Variants in CACNA1D observed in about 807,000 individuals in gnomAD.
The protein encoded by CACNA1D is voltage-dependent L-type calcium channel subunit alpha-1D.
CACNA1D carries 55 observed loss-of-function variants against 257.1 expected under a neutral mutation model. The ratio of observed to expected loss-of-function variants is 0.21; its 90% confidence interval spans 0.17 to 0.27. The LOEUF (loss-of-function observed/expected upper bound fraction) is 0.27, where lower values mean the gene tolerates loss of function less well. Ranked by LOEUF, CACNA1D falls within the 10% of genes least tolerant of loss-of-function variation. The probability of loss-of-function intolerance (pLI) is 1.00; values close to 1 mark genes in which losing one functional copy is unlikely to be tolerated. For synonymous variants in CACNA1D, 980 were observed against 1,014.9 expected (o/e 0.97, Z 0.65); for missense variants, 1,876 against 2,784.0 (o/e 0.67, Z 7.34).
At chr3:53,645,428 G>A (rs2094008516) in intron 3 of CACNA1D, among the ~76,000 whole-genome samples, 1 of 152,080 alleles carries the variant, frequency 6.6e-6, no homozygotes, top group African/African-American at 2.4e-5. Context: ...CTGTTTTTCT[G>A]TAGTACTTTC....
chr3:53,746,646 C>A (rs2095171797), intron 25 of CACNA1D, among the ~76,000 whole-genome samples: 1 of 152,176 alleles, frequency 6.6e-6, no homozygotes, highest in South Asian at 2.1e-4. Flanking sequence ...TCTGCACCTC[C>A]AGAGGCACCG....
intron 3 of CACNA1D, among the ~76,000 whole-genome samples, chr3:53,593,963 T>A (rs2093340067): frequency 6.6e-6 from 1 of 152,148 alleles, no homozygotes; most frequent in Non-Finnish European, 1.5e-5. Context: ...GCAGCTTTTC[T>A]TAGAAGGTGG....
intron 32 of CACNA1D, among the ~76,000 whole-genome samples, chr3:53,772,437 C>T (rs2095371396): frequency 6.6e-6 from 1 of 152,124 alleles, no homozygotes; most frequent in African/African-American, 2.4e-5. Flanking sequence ...AACATACCCA[C>T]AAAAGAAAGT....
rs948240637 is a variant in CACNA1D, at chr3:53,793,911, C to T, written c.4924-6338C>T. On this transcript the variant is annotated intron_variant, in intron 40 of 47. Transcript: ENST00000350061. The surrounding 1 kb of genome is among the most constrained non-coding windows in gnomAD (Gnocchi z 4.1). ...ATTATTTAGAATCTTCACAGACACA[C>T]ACAGCAAACTTGGCACCCCCAACAC... 2.0e-5 allele frequency among the ~76,000 whole-genome samples: 3 copies of T among 152,206 alleles called. No individual in the cohort carries two copies. Among genetic ancestry groups the T allele is most frequent in the African/African-American group, 7.2e-5 (3 of 41,454 alleles).
At chr3:53,710,954 G>C (rs997647318) in intron 9 of CACNA1D, among the ~76,000 whole-genome samples, 10 of 152,176 alleles carry the variant, frequency 6.6e-5, no homozygotes, top group Non-Finnish European at 5.9e-5. Context: ...AAATTAGCTG[G>C]ATGCAGTGGC....
At chr3:53,729,087 C>T (rs557217692) in intron 15 of CACNA1D, among the ~76,000 whole-genome samples, 2 of 152,326 alleles carry the variant, frequency 1.3e-5, no homozygotes, top group East Asian at 3.9e-4. Flanking sequence ...AGTCTCATCA[C>T]TAGCCCCTGT....
At chr3:53,586,760 G>A (rs1029526301) in intron 3 of CACNA1D, among the ~76,000 whole-genome samples, 1 of 152,078 alleles carries the variant, frequency 6.6e-6, no homozygotes, top group Non-Finnish European at 1.5e-5. Flanking sequence ...AGACGATAAG[G>A]TACTAGCCCC....
At chr3:53,648,749 G>A (rs3774514) in intron 3 of CACNA1D, among the ~76,000 whole-genome samples, 1 of 151,708 alleles carries the variant, frequency 6.6e-6, no homozygotes, top group Non-Finnish European at 1.5e-5. Flanking sequence ...AAGTCTAGAG[G>A]GGGCATGAGT....
chr3:53,704,277 T>A (rs917106993), intron 9 of CACNA1D, among the ~76,000 whole-genome samples: 3 of 152,068 alleles, frequency 2.0e-5, no homozygotes, highest in Non-Finnish European at 1.5e-5. Flanking sequence ...AGGGAGTGTG[T>A]TCCGTGATCT....
At chr3:53,759,619 T>A (rs1039279408) in intron 29 of CACNA1D, among the ~76,000 whole-genome samples, 8 of 152,228 alleles carry the variant, frequency 5.3e-5, no homozygotes, top group African/African-American at 1.9e-4. Context: ...CACTGTGCTT[T>A]CTTTAGCTTT....
intron 39 of CACNA1D, chr3:53,785,754 CA>C (rs1255073431): frequency 6.6e-6 from 1 of 152,288 alleles, no homozygotes; most frequent in Admixed American, 6.5e-5. Flanking sequence ...CCCCACTTTA[CA>C]GATGAGAATA....
intron 3 of CACNA1D, among the ~76,000 whole-genome samples, chr3:53,599,591 T>C (rs2093416006): frequency 6.6e-6 from 1 of 152,184 alleles, no homozygotes; most frequent in Non-Finnish European, 1.5e-5. Flanking sequence ...GACAATTTAC[T>C]TCCCATCTCT....
chr3:53,798,387 G>A (rs1488453763), intron 40 of CACNA1D, among the ~76,000 whole-genome samples: 2 of 152,170 alleles, frequency 1.3e-5, no homozygotes, highest in Non-Finnish European at 2.9e-5. Context: ...ATACCCACAT[G>A]TGCATATGTG....
intron 3 of CACNA1D, among the ~76,000 whole-genome samples, chr3:53,527,837 T>C (rs2091819810): frequency 6.6e-6 from 1 of 152,226 alleles, no homozygotes; most frequent in Non-Finnish European, 1.5e-5. Flanking sequence ...TGGATAGCAT[T>C]CTATTTCAAG....
intron 3 of CACNA1D, among the ~76,000 whole-genome samples, chr3:53,512,663 G>A (rs2091162501): frequency 6.6e-6 from 1 of 152,168 alleles, no homozygotes. Context: ...TTACAACTAT[G>A]ACTCCAGGTT....
chr3:53,505,169 T>C (rs2090782648), intron 3 of CACNA1D, among the ~76,000 whole-genome samples: 1 of 137,004 alleles, frequency 7.3e-6, no homozygotes, highest in Non-Finnish European at 1.5e-5. Context: ...AGTGCTGTGG[T>C]GCAATTTCGG....
At chr3:53,650,226 A>AG (rs1219937608) in intron 3 of CACNA1D, among the ~76,000 whole-genome samples, 1 of 152,256 alleles carries the variant, frequency 6.6e-6, no homozygotes, top group Non-Finnish European at 1.5e-5. Context: ...TTATATCCAG[A>AG]GGAGGAGAAG....
intron 29 of CACNA1D, among the ~76,000 whole-genome samples, chr3:53,754,962 G>T (rs1409150967): frequency 6.6e-6 from 1 of 152,202 alleles, no homozygotes; most frequent in East Asian, 1.9e-4. Flanking sequence ...ATTAATTGGG[G>T]TGATTGCAGT....
At chr3:53,612,469 T>G (rs2093593662) in intron 3 of CACNA1D, among the ~76,000 whole-genome samples, 1 of 152,236 alleles carries the variant, frequency 6.6e-6, no homozygotes, top group Admixed American at 6.5e-5. Context: ...CAACATCTTT[T>G]GACTCTGATA....
Sources: gnomAD v4.1 joint callset for allele counts (sites outside exome capture counted in the v4.1 genomes callset) on GRCh38, gnomAD v4.1.1 for gene constraint, Gnocchi (gnomAD v3.1) non-coding constraint, MANE v1.5 for transcripts, NCBI Gene and HGNC (gene_info 2026-07-23, HGNC 2026-07-21) for gene names.